ACOXL: variants seen among roughly 807,000 people sequenced by gnomAD.
ACOXL encodes the protein acyl-CoA oxidase like.
A neutral mutation model predicts 71.9 loss-of-function variants in ACOXL; 70 were observed. The ratio of observed to expected loss-of-function variants is 0.97; its 90% CI spans 0.80 to 1.19. The LOEUF (loss-of-function observed/expected upper bound fraction) is 1.19, where lower values mean the gene tolerates loss of function less well. ACOXL is among the 50% of genes most tolerant of loss of function. ACOXL has a pLI of 0.00. For synonymous variants in ACOXL, 253 were observed against 281.6 expected, an observed-to-expected ratio of 0.90 and a Z score of 1.02; for missense variants, 703 against 736.3, an observed-to-expected ratio of 0.95 and a Z score of 0.52.
At chr2:111,086,844 G>A (rs2068235355) in intron 16 of ACOXL, among the ~76,000 whole-genome samples, 1 of 152,178 alleles carries the variant, frequency 6.6e-6, no homozygotes. Context: ...ATCCAACTAG[G>A]AAGGGAGGAA....
chr2:111,008,788 T>C (rs1181616384), intron 14 of ACOXL, among the ~76,000 whole-genome samples: 1 of 152,194 alleles, frequency 6.6e-6, no homozygotes, highest in Non-Finnish European at 1.5e-5. Context: ...TCTAATATTT[T>C]TCAATTTTTG....
At chr2:110,893,846 C>A (rs1303687315) in intron 10 of ACOXL, among the ~76,000 whole-genome samples, 1 of 151,970 alleles carries the variant, frequency 6.6e-6, no homozygotes, top group African/African-American at 2.4e-5. Flanking sequence ...CACACATTTA[C>A]CATGTAATAT....
chr2:110,847,635 A>G (rs747033370), intron 10 of ACOXL, among the ~76,000 whole-genome samples: 7 of 152,212 alleles, frequency 4.6e-5, no homozygotes, highest in Non-Finnish European at 8.8e-5. Flanking sequence ...ACTTCTTTCT[A>G]TTGGCTTCTC....
Position 110,767,923 on chromosome 2 carries a change from A to AACACAC in ACOXL, c.-22-393_-22-388dup, listed in dbSNP as rs58524964. Among the ~76,000 whole-genome samples, 111 of 114,450 alleles carry AACACAC rather than the reference A, an allele frequency of 9.7e-4. 2 individuals are homozygous for AACACAC. The highest frequency in any genetic ancestry group is 2.3e-3 in the African/African-American group (67 of 28,954). The allele number at this position is 114,450 out of a possible 152,430, so 75.1% of individuals were successfully genotyped here. The stretch of plus-strand genomic sequence containing the variant: ...ATATGGCGAAACCCTGTCTCTACTA[A>AACACAC]ACACACACACACACACACACACACA... On this transcript the variant is annotated intron_variant, in intron 1 of 17. Transcript: ENST00000439055.
At chr2:111,058,450 C>T (rs565432451) in intron 16 of ACOXL, among the ~76,000 whole-genome samples, 1 of 152,130 alleles carries the variant, frequency 6.6e-6, no homozygotes, top group Admixed American at 6.5e-5. Context: ...GATGGATTGA[C>T]GAAGGCAGCA....
intron 17 of ACOXL, chr2:111,114,093 T>G (rs575633701): frequency 3.3e-5 from 5 of 152,846 alleles, no homozygotes; most frequent in African/African-American, 1.2e-4. Flanking sequence ...TGACTGATAC[T>G]TATTCTGTGG....
chr2:110,797,142 A>G (rs892051105), intron 5 of ACOXL, among the ~76,000 whole-genome samples: 4 of 152,126 alleles, frequency 2.6e-5, no homozygotes, highest in Non-Finnish European at 5.9e-5. Flanking sequence ...GACTGGGGAG[A>G]GCCAAGAAGT....
intron 14 of ACOXL, among the ~76,000 whole-genome samples, chr2:111,013,315 A>G (rs924048487): frequency 6.6e-6 from 1 of 152,096 alleles, no homozygotes; most frequent in East Asian, 1.9e-4. Flanking sequence ...GCTTCAGGTC[A>G]GGAGTTTGAG....
intron 10 of ACOXL, among the ~76,000 whole-genome samples, chr2:110,878,767 A>C (rs530656975): frequency 4.4e-4 from 67 of 151,930 alleles, no homozygotes; most frequent in African/African-American, 1.6e-3. Flanking sequence ...TCCATCTCAA[A>C]AAATCAAAAC....
chr2:110,928,214 T>TGA (rs2060350467), intron 11 of ACOXL, among the ~76,000 whole-genome samples: 1 of 152,210 alleles, frequency 6.6e-6, no homozygotes, highest in East Asian at 1.9e-4. Flanking sequence ...CTAACACACA[T>TGA]TCAAGTTCTT....
chr2:111,054,231 T>C (rs1330378392), intron 16 of ACOXL, among the ~76,000 whole-genome samples: 1 of 152,156 alleles, frequency 6.6e-6, no homozygotes, highest in East Asian at 1.9e-4. Flanking sequence ...AAAGCTTGGC[T>C]TATTTATAGC....
At chr2:110,825,993 T>A (rs1286160731) in intron 9 of ACOXL, among the ~76,000 whole-genome samples, 1 of 152,164 alleles carries the variant, frequency 6.6e-6, no homozygotes. Flanking sequence ...ACCAGAGTGA[T>A]CAGCTGAGAG....
rs191053094 is a variant in ACOXL, at chr2:111,093,662, C to T, written c.1542+696C>T. ...GGCAGATCTCCTGAGCTCAGGAGTT[C>T]GACACCATCTTGGGCAACATGGTGA... is the stretch of plus-strand genomic sequence containing the variant. On this transcript the variant is annotated intron_variant, in intron 17 of 17. Coordinates refer to ENST00000439055, the MANE Select transcript of ACOXL (RefSeq NM_001142807.4). The T allele has an allele frequency of 3.4e-5, 29 of 856,216 alleles. No homozygotes were observed. In the East Asian group the frequency reaches 4.3e-4, roughly 13 times the overall value. The allele number at this position is 856,216 out of a possible 1,614,324, so 53.0% of individuals were successfully genotyped here.
chr2:110,871,140 A>C (rs987005314), intron 10 of ACOXL, among the ~76,000 whole-genome samples: 2 of 152,168 alleles, frequency 1.3e-5, no homozygotes, highest in African/African-American at 4.8e-5. Flanking sequence ...ACGGGATGTC[A>C]TTTGATAGGA....
At chr2:110,897,415 G>T (rs537172460) in intron 10 of ACOXL, among the ~76,000 whole-genome samples, 8 of 152,246 alleles carry the variant, frequency 5.3e-5, no homozygotes, top group East Asian at 1.9e-4. Context: ...CAGGATCAAG[G>T]CCCTGGCATC....
intron 10 of ACOXL, among the ~76,000 whole-genome samples, chr2:110,855,353 C>G (rs1038797848): frequency 2.0e-5 from 3 of 152,160 alleles, no homozygotes; most frequent in African/African-American, 7.2e-5. Flanking sequence ...GATAAGGGCA[C>G]TAATGCTCAG....
At chr2:110,846,022 G>A (rs1402025618) in intron 10 of ACOXL, among the ~76,000 whole-genome samples, 2 of 152,050 alleles carry the variant, frequency 1.3e-5, no homozygotes, top group African/African-American at 2.4e-5. Context: ...TTTTCCTATC[G>A]ATTACCATTT....
chr2:110,819,726 T>C lies in ACOXL; in HGVS notation c.753+14331T>C, dbSNP rs1387204180. Among the ~76,000 whole-genome samples, 3 of 152,198 alleles carry C rather than the reference T, an allele frequency of 2.0e-5. 1 individual carries two copies. In the East Asian group the frequency reaches 5.8e-4, roughly 29 times the overall value. ...TATGCTAAGTGCTCTGTGCACATCA[T>C]TTTCTTTAATTCTTATAGGACCTTC... On this transcript the variant is annotated intron_variant, in intron 9 of 17. Transcript: ENST00000439055.
intron 10 of ACOXL, among the ~76,000 whole-genome samples, chr2:110,907,667 T>G (rs1023488916): frequency 1.3e-5 from 2 of 152,176 alleles, no homozygotes; most frequent in Admixed American, 6.5e-5. Flanking sequence ...GAGGCTGTAC[T>G]CACGGTGCTT....
Sources: allele counts gnomAD v4.1 joint callset (sites outside exome capture counted in the v4.1 genomes callset), GRCh38; gene constraint gnomAD v4.1.1; transcripts MANE v1.5; gene names NCBI Gene and HGNC (gene_info 2026-07-23, HGNC 2026-07-21).